Variants in RERG observed in about 807,000 individuals in gnomAD.
The protein encoded by RERG is ras-related and estrogen-regulated growth inhibitor.
A neutral mutation model predicts 23.2 loss-of-function variants in RERG; 25 were observed. The ratio of observed to expected loss-of-function variants is 1.08; its 90% CI spans 0.79 to 1.50. RERG has a LOEUF of 1.50. RERG is among the 40% of genes most tolerant of loss of function. The pLI is 0.00. For synonymous variants in RERG, 81 were observed against 89.1 expected, an observed-to-expected ratio of 0.91 and a Z score of 0.51; for missense variants, 253 against 250.1, an observed-to-expected ratio of 1.01 and a Z score of -0.08.
At chr12:15,135,061 A>G (rs1278799426) in intron 2 of RERG, among the ~76,000 whole-genome samples, 3 of 152,228 alleles carry the variant, frequency 2.0e-5, no homozygotes, top group Non-Finnish European at 4.4e-5. Flanking sequence ...GAAATATTTC[A>G]CCATTTACTT....
chr12:15,133,944 G>A (rs763293408), intron 2 of RERG, among the ~76,000 whole-genome samples: 1 of 151,574 alleles, frequency 6.6e-6, no homozygotes, highest in African/African-American at 2.4e-5. Context: ...CATTTTTTTA[G>A]TTGACTTTTT....
intron 2 of RERG, among the ~76,000 whole-genome samples, chr12:15,122,554 A>G (rs1379799190): frequency 6.6e-6 from 1 of 152,144 alleles, no homozygotes; most frequent in Non-Finnish European, 1.5e-5. Context: ...GCAGTGCCTA[A>G]AGTAGCAAGG....
At chr12:15,182,944 G>C (rs1432284143) in intron 2 of RERG, among the ~76,000 whole-genome samples, 1 of 152,074 alleles carries the variant, frequency 6.6e-6, no homozygotes, top group Non-Finnish European at 1.5e-5. Flanking sequence ...GGGCATGGTG[G>C]TGTGTGCCTG....
At chr12:15,197,874 G>C (rs1405543906) in intron 2 of RERG, among the ~76,000 whole-genome samples, 1 of 152,106 alleles carries the variant, frequency 6.6e-6, no homozygotes, top group Non-Finnish European at 1.5e-5. Flanking sequence ...TATTACCCAG[G>C]AGCACCATTC....
chr12:15,109,365 C>T lies in RERG; in HGVS notation c.345G>A (p.Leu115=), dbSNP rs1343257698. The T allele has an allele frequency of 6.2e-7, 1 of 1,613,958 alleles. No individual in the cohort carries two copies. The highest frequency in any genetic ancestry group is 1.7e-5 in the Admixed American group (1 of 59,988). The change falls in exon 5 of 5, where the codon TTG becomes TTA. Residue 115 remains leucine (L), a synonymous_variant. Transcript: ENST00000256953. ...GGTCCAAGTCAGCTTTGTTTCCAAC[C>T]AAGATGAGAGTCACATTCTTGGGCT... ...IKKPKNVTLI[L]VGNKADLDHS... is the part of the protein sequence containing the mutation.
At chr12:15,160,262 G>C (rs4763419) in intron 2 of RERG, among the ~76,000 whole-genome samples, 23,153 of 151,920 alleles carry the variant, frequency 0.15, 2,024 homozygotes, top group East Asian at 0.23. Context: ...CGAATTCTAA[G>C]TACAAAGCAC....
At chr12:15,184,363 GGAA>G (rs1483344202) in intron 2 of RERG, among the ~76,000 whole-genome samples, 2 of 152,160 alleles carry the variant, frequency 1.3e-5, no homozygotes, top group Non-Finnish European at 1.5e-5. Flanking sequence ...AGTCTTGCAG[GGAA>G]GAAGGACTTT....
At chr12:15,159,764 C>A (rs1864577718) in intron 2 of RERG, among the ~76,000 whole-genome samples, 1 of 152,190 alleles carries the variant, frequency 6.6e-6, no homozygotes, top group Non-Finnish European at 1.5e-5. Context: ...GCGTAGCTTG[C>A]AGTGAGCCGA....
intron 2 of RERG, among the ~76,000 whole-genome samples, chr12:15,174,978 C>T (rs1864827471): frequency 6.6e-6 from 1 of 152,016 alleles, no homozygotes; most frequent in Non-Finnish European, 1.5e-5. Flanking sequence ...GGCCAGTTTC[C>T]ATTGACTCCT....
At chr12:15,174,755 T>C (rs894808154) in intron 2 of RERG, among the ~76,000 whole-genome samples, 5 of 152,112 alleles carry the variant, frequency 3.3e-5, no homozygotes, top group African/African-American at 9.7e-5. Context: ...GCCTCTCTGG[T>C]GCATTTTTCA....
At chr12:15,127,999 A>G (rs1041354601) in intron 2 of RERG, among the ~76,000 whole-genome samples, 1 of 152,246 alleles carries the variant, frequency 6.6e-6, no homozygotes, top group Non-Finnish European at 1.5e-5. Flanking sequence ...GATAAAACTG[A>G]TATGAACCCA....
chr12:15,126,000 CTCAGGA>C (rs1331877049), intron 2 of RERG, among the ~76,000 whole-genome samples: 1 of 150,974 alleles, frequency 6.6e-6, no homozygotes, highest in Non-Finnish European at 1.5e-5. Context: ...CTTTCCTAGC[CTCAGGA>C]TCTACATTCT....
chr12:15,192,195 T>G (rs1166714754), intron 2 of RERG, among the ~76,000 whole-genome samples: 1 of 152,166 alleles, frequency 6.6e-6, no homozygotes, highest in Non-Finnish European at 1.5e-5. Flanking sequence ...TGTTTACAAG[T>G]GTGCGGCATT....
intron 2 of RERG, among the ~76,000 whole-genome samples, chr12:15,206,976 A>C (rs1014561482): frequency 6.6e-6 from 1 of 152,106 alleles, no homozygotes; most frequent in Admixed American, 6.6e-5. Context: ...GCTTCTCCCC[A>C]GCTCACCTTT....
At chr12:15,169,241 A>G (rs570294177) in intron 2 of RERG, among the ~76,000 whole-genome samples, 1 of 152,328 alleles carries the variant, frequency 6.6e-6, no homozygotes, top group Admixed American at 6.5e-5. Context: ...GGTTAATTTT[A>G]TGCATTAACT....
At chr12:15,117,710 C>G (rs1430015299) in intron 3 of RERG, among the ~76,000 whole-genome samples, 1 of 151,170 alleles carries the variant, frequency 6.6e-6, no homozygotes, top group African/African-American at 2.4e-5. Flanking sequence ...CACACACAGT[C>G]ACAGGCACAC....
At chr12:15,129,677 G>T (rs1864010125) in intron 2 of RERG, among the ~76,000 whole-genome samples, 1 of 151,816 alleles carries the variant, frequency 6.6e-6, no homozygotes, top group African/African-American at 2.4e-5. Flanking sequence ...ACACAAGAGA[G>T]CTAGTTCAGT....
chr12:15,171,292 C>A (rs1056866452), intron 2 of RERG, among the ~76,000 whole-genome samples: 9 of 152,164 alleles, frequency 5.9e-5, no homozygotes, highest in Admixed American at 5.9e-4. Context: ...CATATCAGAA[C>A]CTTGAATTTA....
At chr12:15,170,376 T>C (rs1174008906) in intron 2 of RERG, among the ~76,000 whole-genome samples, 1 of 152,028 alleles carries the variant, frequency 6.6e-6, no homozygotes, top group Non-Finnish European at 1.5e-5. Context: ...AGAGGGCATA[T>C]AGGAACTCTG....
Sources: gnomAD v4.1 joint callset for allele counts (sites outside exome capture counted in the v4.1 genomes callset) on GRCh38, gnomAD v4.1.1 for gene constraint, MANE v1.5 for transcripts, NCBI Gene and HGNC (gene_info 2026-07-23, HGNC 2026-07-21) for gene names.